Variants in NLRP13 observed in about 807,000 individuals in gnomAD.
The protein encoded by NLRP13 is NACHT, LRR and PYD domains-containing protein 13.
NLRP13 carries 82 observed loss-of-function variants against 94.4 expected under a neutral mutation model. The observed-to-expected ratio is 0.87, with a 90% CI of 0.73 to 1.04. The LOEUF (loss-of-function observed/expected upper bound fraction) is 1.04, where lower values mean the gene tolerates loss of function less well. Ranked by LOEUF, NLRP13 falls within the 50% of genes least tolerant of loss-of-function variation. NLRP13 has a pLI of 0.00. For missense variants in NLRP13, 1,426 were observed against 1,230.8 expected, an observed-to-expected ratio of 1.16 and a Z score of -2.37; for synonymous variants, 553 against 464.7, an observed-to-expected ratio of 1.19 and a Z score of -2.45.
intron 6 of NLRP13, 77 bp downstream of exon 6, chr19:55,910,486 A>G: frequency 7.3e-7 from 1 of 1,373,848 alleles, no homozygotes; most frequent in Non-Finnish European, 9.8e-7. Context: ...GCAAATAGTC[A>G]ACCACACTCA....
chr19:55,912,928 C>G lies in NLRP13; in HGVS notation c.889G>C (p.Glu297Gln), dbSNP rs2089576007. 6.2e-7 allele frequency: 1 copy of G among 1,614,052 alleles called. No homozygotes were observed. The highest frequency in any genetic ancestry group is 1.3e-5 in the African/African-American group (1 of 75,044). The change falls in exon 5 of 11, where the codon GAA becomes CAA. Residue 297 changes from glutamate to glutamine, a missense_variant. Transcript: ENST00000342929. Reference protein sequence around the residue: ...LDWPDFDAPIEEFMSQPEKLL... With the variant: ...LDWPDFDAPIQEFMSQPEKLL... ...TTCTCTGGTTGAGACATGAACTCTTCAATGGGGGCATCAAAATCGGGCCAA... is the reference window on the plus strand; with the variant it reads ...TTCTCTGGTTGAGACATGAACTCTTGAATGGGGGCATCAAAATCGGGCCAA...
At chr19:55,896,429 G>T (rs1172281313) in intron 10 of NLRP13, among the ~76,000 whole-genome samples, 6 of 151,322 alleles carry the variant, frequency 4.0e-5, no homozygotes, top group Non-Finnish European at 5.9e-5. Flanking sequence ...GGCTGAGGCA[G>T]GAGAATCGCT....
At chr19:55,907,999 A>G in intron 6 of NLRP13, 43 bp from the exon 7 acceptor site, 6 of 1,553,908 alleles carry the variant, frequency 3.9e-6, no homozygotes, top group Non-Finnish European at 5.2e-6. Flanking sequence ...GGGGGAGAAG[A>G]CTGGTTTCCA....
chr19:55,918,765 T>C (rs1568443579), intron 4 of NLRP13, among the ~76,000 whole-genome samples: 1 of 152,074 alleles, frequency 6.6e-6, no homozygotes, highest in Non-Finnish European at 1.5e-5. Context: ...GTACCAGATG[T>C]ATTTCACAAC....
intron 1 of NLRP13, among the ~76,000 whole-genome samples, chr19:55,927,240 G>A (rs930552371): frequency 6.6e-6 from 1 of 151,396 alleles, no homozygotes. Context: ...GTGGTGGTGG[G>A]CGCCTGTACT....
At chr19:55,904,650 C>T (rs935089086) in intron 8 of NLRP13, among the ~76,000 whole-genome samples, 1 of 152,126 alleles carries the variant, frequency 6.6e-6, no homozygotes, top group Non-Finnish European at 1.5e-5. Context: ...ACCACCCCAG[C>T]CTTGAGGCCT....
chr19:55,919,089 T>A (rs1326556836), intron 4 of NLRP13, among the ~76,000 whole-genome samples: 2 of 152,140 alleles, frequency 1.3e-5, no homozygotes, highest in Non-Finnish European at 2.9e-5. Flanking sequence ...ATAAATGTGA[T>A]TCGCCACATA....
chr19:55,893,734 T>A (rs1042029408), downstream of NLRP13, among the ~76,000 whole-genome samples: 1 of 152,188 alleles, frequency 6.6e-6, no homozygotes, highest in Non-Finnish European at 1.5e-5. Context: ...TTAATCTGCA[T>A]CTAGCAATTT....
In NLRP13 at chr19:55,912,235, A is replaced by G; in HGVS notation, c.1582T>C (p.Cys528Arg). The change falls in exon 5 of 11, where the codon TGT (cysteine) becomes CGT (arginine). Residue 528 changes from cysteine (C) to arginine (R), a missense_variant. Coordinates refer to ENST00000342929, the MANE Select transcript of NLRP13 (RefSeq NM_176810.2). ...EFNILQKINDCGGCTTFTHLS... is the reference protein window; with the variant it reads ...EFNILQKINDRGGCTTFTHLS... The stretch of plus-strand genomic sequence containing the variant: ...TGGGTGAAAGTAGTGCAACCCCCAC[A>G]GTCATTGATCTTTTGAAGAATATTG... The G allele has an allele frequency of 6.2e-7, 1 of 1,614,190 alleles. No individual in the cohort carries two copies. The highest frequency in any genetic ancestry group is 8.5e-7 in the Non-Finnish European group (1 of 1,180,014).
downstream of NLRP13, chr19:55,891,952 C>T (rs964664203): frequency 6.2e-5 from 28 of 450,704 alleles, no homozygotes; most frequent in Non-Finnish European, 9.1e-5. Context: ...GTCCTGGTGG[C>T]TTTCCCCCAA....
rs1226787887 is a variant in NLRP13, at chr19:55,900,900, T to G, written c.2789+1135A>C. 3.3e-5 allele frequency among the ~76,000 whole-genome samples: 5 copies of G among 152,074 alleles called. No homozygotes were observed. In the East Asian group the frequency reaches 9.6e-4, roughly 29 times the overall value. ...ATCAATAATTGTTGAAGTTCGAGCA[T>G]GGATTGTAATATATGCTCTTCTCTC... On this transcript the variant is annotated intron_variant, in intron 9 of 10. Coordinates refer to ENST00000342929, the MANE Select transcript of NLRP13 (RefSeq NM_176810.2).
Position 55,896,026 on chromosome 19 carries a change from G to C in NLRP13, c.3051C>G (p.Gly1017=), listed in dbSNP as rs528406266. ...SKSLVNLNLL[G]NELDTDGVKM... is the part of the protein sequence containing the mutation. Reference sequence around the variant, plus strand: ...TGACACCATCAGTATCCAATTCATTGCCTAGAAGGTTCAGATTGACCAGGC... The same window carrying C: ...TGACACCATCAGTATCCAATTCATTCCCTAGAAGGTTCAGATTGACCAGGC... Residue 1017 remains glycine (G), a synonymous_variant, in exon 11 of 11, where the codon GGC becomes GGG. Transcript: ENST00000342929. 1 of 1,614,152 alleles carries C rather than the reference G, an allele frequency of 6.2e-7. No individual in the cohort carries two copies. The highest frequency in any genetic ancestry group is 1.1e-5 in the South Asian group (1 of 91,082).
intron 4 of NLRP13, among the ~76,000 whole-genome samples, chr19:55,921,823 C>A (rs1253783350): frequency 6.6e-6 from 1 of 152,030 alleles, no homozygotes; most frequent in African/African-American, 2.4e-5. Context: ...AGGCCACAAC[C>A]CAAGAAATAC....
In NLRP13 at chr19:55,923,898, AAAG is replaced by A. The variant is rs1986903524; in HGVS notation, c.523+13_523+15del. Reference sequence around the variant, plus strand: ...CAAGCAACCTGTCCATTATCAACATAAAGTAGTATACACACCTGCTTCCTCTAG... The same window carrying A: ...CAAGCAACCTGTCCATTATCAACATATAGTATACACACCTGCTTCCTCTAG... On this transcript the variant is annotated intron_variant, in intron 4 of 10. Coordinates refer to ENST00000342929, the MANE Select transcript of NLRP13 (RefSeq NM_176810.2). 1 of 1,601,976 alleles carries A rather than the reference AAAG, an allele frequency of 6.2e-7. No homozygotes were observed. Among genetic ancestry groups the A allele is most frequent in the African/African-American group, 1.3e-5 (1 of 74,804 alleles).
In NLRP13 at chr19:55,923,896, A is replaced by T. The variant is rs201215580; in HGVS notation, c.523+18T>A. Reference sequence around the variant, plus strand: ...GTCAAGCAACCTGTCCATTATCAACATAAAGTAGTATACACACCTGCTTCC... The same window carrying T: ...GTCAAGCAACCTGTCCATTATCAACTTAAAGTAGTATACACACCTGCTTCC... On this transcript the variant is annotated intron_variant, in intron 4 of 10. Coordinates refer to ENST00000342929, the MANE Select transcript of NLRP13 (RefSeq NM_176810.2). The T allele has an allele frequency of 2.0e-5, 32 of 1,600,520 alleles. No individual in the cohort carries two copies. Among genetic ancestry groups the T allele is most frequent in the Non-Finnish European group, 2.7e-5 (32 of 1,167,758 alleles).
At chr19:55,915,404 C>T (rs10402761) in intron 4 of NLRP13, among the ~76,000 whole-genome samples, 23,800 of 151,788 alleles carry the variant, frequency 0.16, 1,929 homozygotes, top group East Asian at 0.22. Flanking sequence ...TCGAGACCAG[C>T]CTGACCAACA....
At chr19:55,906,887 C>T (rs1429802784) in intron 7 of NLRP13, among the ~76,000 whole-genome samples, 7 of 152,142 alleles carry the variant, frequency 4.6e-5, no homozygotes, top group African/African-American at 1.4e-4. Context: ...ACGTGGTAGC[C>T]TGTTAGAAGT....
At chr19:55,928,680 G>C (rs1426026033) in intron 1 of NLRP13, among the ~76,000 whole-genome samples, 1 of 152,174 alleles carries the variant, frequency 6.6e-6, no homozygotes, top group Non-Finnish European at 1.5e-5. Context: ...GAGATATTCA[G>C]TTGGAAACAG....
intron 9 of NLRP13, among the ~76,000 whole-genome samples, chr19:55,901,429 G>A (rs1224715133): frequency 6.6e-6 from 1 of 152,140 alleles, no homozygotes; most frequent in African/African-American, 2.4e-5. Flanking sequence ...AGGGAGAGAG[G>A]GGAGAGGGGG....
Sources: allele counts gnomAD v4.1 joint callset (sites outside exome capture counted in the v4.1 genomes callset), GRCh38; gene constraint gnomAD v4.1.1; transcripts MANE v1.5; gene names NCBI Gene and HGNC (gene_info 2026-07-23, HGNC 2026-07-21).